Variants in PCDHA9 observed in about 807,000 individuals in gnomAD.
PCDHA9 encodes the protein protocadherin alpha 9.
In PCDHA9, 62 loss-of-function variants were observed where a neutral mutation model predicts 62.0. That is an observed-to-expected ratio of 1.00 (90% CI 0.81 to 1.23). The LOEUF (loss-of-function observed/expected upper bound fraction) is 1.23, where lower values mean the gene tolerates loss of function less well. Among genes scored for constraint, PCDHA9 ranks in the 50% most tolerant of loss-of-function variants. The pLI, the probability that PCDHA9 is intolerant of heterozygous loss-of-function variation, is 0.00. For synonymous variants in PCDHA9, 557 were observed against 567.6 expected (o/e 0.98, Z 0.27); for missense variants, 1,205 against 1,249.8 (o/e 0.96, Z 0.54).
chr5:140,967,009 T>G, intron 1 of PCDHA9: 1 of 1,606,176 alleles, frequency 6.2e-7, no homozygotes, highest in Non-Finnish European at 8.5e-7. Flanking sequence ...GCATCAACCA[T>G]CTGGGTGCGC....
chr5:140,869,126 G>T, intron 1 of PCDHA9: 2 of 1,611,852 alleles, frequency 1.2e-6, no homozygotes, highest in South Asian at 2.2e-5. Flanking sequence ...CAGAGAAGGG[G>T]ATTGGGCACC....
intron 1 of PCDHA9, chr5:140,866,771 G>T (rs1274249290): frequency 2.0e-5 from 3 of 152,268 alleles, no homozygotes; most frequent in Non-Finnish European, 2.9e-5. Flanking sequence ...CAGGCAGATT[G>T]TATGTCCTGA....
chr5:140,944,697 T>C (rs1227405627), intron 1 of PCDHA9, among the ~76,000 whole-genome samples: 1 of 152,198 alleles, frequency 6.6e-6, no homozygotes, highest in Non-Finnish European at 1.5e-5. Context: ...ATAACAGTAA[T>C]TATCAGGTTA....
At chr5:140,982,127 C>G (rs1367393953) in intron 2 of PCDHA9, among the ~76,000 whole-genome samples, 1 of 152,244 alleles carries the variant, frequency 6.6e-6, no homozygotes, top group Non-Finnish European at 1.5e-5. Flanking sequence ...CTTTTGAGAA[C>G]AAGCCCTCCT....
chr5:140,872,902 C>G lies in PCDHA9; in HGVS notation c.2394+22013C>G, dbSNP rs78252676. ...TCATTCATCTCACTTTGTAACTGCT[C>G]TATCTTGTAATGCCTTATCTCTAAT... On this transcript the variant is annotated intron_variant, in intron 1 of 3. Coordinates refer to ENST00000532602, the MANE Select transcript of PCDHA9 (RefSeq NM_031857.2). Among the ~76,000 whole-genome samples, 460 of 152,278 alleles carry G rather than the reference C, an allele frequency of 3.0e-3. 1 individual carries two copies. The highest frequency in any genetic ancestry group is 9.4e-3 in the Admixed American group (143 of 15,288).
intron 1 of PCDHA9, chr5:140,870,528 A>G (rs556976390): frequency 3.1e-6 from 5 of 1,614,214 alleles, no homozygotes; most frequent in African/African-American, 2.7e-5. Context: ...ACATCTTCAC[A>G]GTGTCGGCGC....
At chr5:140,895,949 T>C (rs1413820088) in intron 1 of PCDHA9, among the ~76,000 whole-genome samples, 1 of 152,256 alleles carries the variant, frequency 6.6e-6, no homozygotes, top group East Asian at 1.9e-4. Context: ...TAGCTGGGAT[T>C]ACAGGTGCCT....
At chr5:140,969,593 T>C (rs2153780223) in intron 1 of PCDHA9, 1 of 829,524 alleles carries the variant, frequency 1.2e-6, no homozygotes, top group Non-Finnish European at 1.8e-6. Context: ...AGTCTTAATA[T>C]TTAATGCTAA....
At chr5:140,959,826 T>C (rs2095512884) in intron 1 of PCDHA9, among the ~76,000 whole-genome samples, 1 of 152,224 alleles carries the variant, frequency 6.6e-6, no homozygotes, top group Non-Finnish European at 1.5e-5. Flanking sequence ...CACATGATAA[T>C]GTATTATGCC....
chr5:140,907,263 C>T (rs985030606), intron 1 of PCDHA9, among the ~76,000 whole-genome samples: 2 of 152,220 alleles, frequency 1.3e-5, no homozygotes, highest in Admixed American at 1.3e-4. Flanking sequence ...CTTCAAAAGG[C>T]CATTCCATCA....
At chr5:140,911,250 A>G (rs1165718759) in intron 1 of PCDHA9, among the ~76,000 whole-genome samples, 1 of 152,166 alleles carries the variant, frequency 6.6e-6, no homozygotes. Context: ...AAGTTTCATC[A>G]GAATTTATAA....
In PCDHA9 at chr5:140,927,607, C is replaced by G. The variant is rs558609705; in HGVS notation, c.2395-51342C>G. On this transcript the variant is annotated intron_variant, in intron 1 of 3. Transcript: ENST00000532602. ...GCCTGTATTTGAGCGCTCCGTATACCGCACCAAGGTTCCAGAGACTGCACC... is the reference window on the plus strand; with the variant it reads ...GCCTGTATTTGAGCGCTCCGTATACGGCACCAAGGTTCCAGAGACTGCACC... 1.5e-5 allele frequency: 24 copies of G among 1,614,180 alleles called. 1 individual carries two copies. In the South Asian group the frequency reaches 2.6e-4, roughly 18 times the overall value.
chr5:140,917,324 C>CGGGGGGGGGGGGG (rs1299895515), intron 1 of PCDHA9, among the ~76,000 whole-genome samples: 2 of 76,122 alleles, frequency 2.6e-5, no homozygotes, highest in Admixed American at 1.5e-4. Context: ...GTTCATGTGG[C>CGGGGGGGGGGGGG]GGGGGAGGGG....
chr5:140,938,991 T>C (rs2092291799), intron 1 of PCDHA9, among the ~76,000 whole-genome samples: 2 of 152,230 alleles, frequency 1.3e-5, no homozygotes, highest in South Asian at 2.1e-4. Context: ...TGGCTTTATA[T>C]AGTAAGTTAA....
chr5:141,000,421 ATT>A (rs34755515), intron 3 of PCDHA9, among the ~76,000 whole-genome samples: 627 of 27,724 alleles, frequency 0.023, 1 homozygote, highest in Middle Eastern at 0.071. Context: ...ATATATATAT[ATT>A]TTTTTTTTTT....
At chr5:140,857,110 G>C in intron 1 of PCDHA9, 1 of 1,597,820 alleles carries the variant, frequency 6.3e-7, no homozygotes. Flanking sequence ...TCACTTCTCT[G>C]TCTCTCCCAG....
chr5:140,958,020 A>G (rs536128192), intron 1 of PCDHA9, among the ~76,000 whole-genome samples: 90 of 152,262 alleles, frequency 5.9e-4, no homozygotes, highest in African/African-American at 2.1e-3. Context: ...TCAGCCAAGT[A>G]TACTATGCTT....
At chr5:140,971,728 C>A (rs1221096186) in intron 1 of PCDHA9, among the ~76,000 whole-genome samples, 2 of 151,550 alleles carry the variant, frequency 1.3e-5, no homozygotes, top group African/African-American at 2.4e-5. Flanking sequence ...GTATATCATA[C>A]ATATACACAT....
intron 1 of PCDHA9, among the ~76,000 whole-genome samples, chr5:140,976,868 CAAAG>C (rs1397427113): frequency 6.6e-5 from 10 of 152,120 alleles, no homozygotes; most frequent in African/African-American, 1.2e-4. Flanking sequence ...TACTGTCTGA[CAAAG>C]AAAGAATTAG....
Sources: allele counts gnomAD v4.1 joint callset (sites outside exome capture counted in the v4.1 genomes callset), GRCh38; gene constraint gnomAD v4.1.1; transcripts MANE v1.5; gene names NCBI Gene and HGNC (gene_info 2026-07-23, HGNC 2026-07-21).